Variants in RYR2 observed in about 807,000 individuals in gnomAD.
RYR2 encodes the protein ryanodine receptor 2.
RYR2 carries 227 observed loss-of-function variants against 601.1 expected under a neutral mutation model. The observed-to-expected ratio is 0.38, with a 90% CI of 0.34 to 0.42. The LOEUF (loss-of-function observed/expected upper bound fraction) is 0.42. Among genes scored for constraint, RYR2 ranks in the 10% least tolerant of loss-of-function variants. RYR2 has a pLI of 1.00. For missense variants in RYR2, 4,646 were observed against 6,156.5 expected (o/e 0.75, Z 8.21); for synonymous variants, 2,223 against 2,175.1 (o/e 1.02, Z -0.61).
intron 16 of RYR2, among the ~76,000 whole-genome samples, chr1:237,460,245 T>C (rs1659320821): frequency 6.6e-6 from 1 of 152,036 alleles, no homozygotes. Context: ...AAGAGTGTGC[T>C]ATTTCCTAAA....
chr1:237,618,987 A>C (rs544951755), intron 38 of RYR2, among the ~76,000 whole-genome samples: 2 of 152,254 alleles, frequency 1.3e-5, no homozygotes, highest in Admixed American at 1.3e-4. Context: ...CCAGATGTCC[A>C]AGAAGGCTGA....
chr1:237,212,497 T>C (rs1246822765), intron 1 of RYR2, among the ~76,000 whole-genome samples: 1 of 152,128 alleles, frequency 6.6e-6, no homozygotes, highest in Non-Finnish European at 1.5e-5. Flanking sequence ...TCCAGCTACT[T>C]TGGAGGCTGC....
chr1:237,188,374 A>G (rs1047791582), intron 1 of RYR2, among the ~76,000 whole-genome samples: 1 of 152,012 alleles, frequency 6.6e-6, no homozygotes, highest in African/African-American at 2.4e-5. Flanking sequence ...TGCAGTTAGC[A>G]GTTTGACCCT....
Position 237,295,822 on chromosome 1 carries a change from G to A in RYR2, c.168+25206G>A, listed in dbSNP as rs1010290297. Reference sequence around the variant, plus strand: ...TTTGTTATATTCACACAGTAAACACGCTATTTAGAGTGTTGATGACGTGCT... The same window carrying A: ...TTTGTTATATTCACACAGTAAACACACTATTTAGAGTGTTGATGACGTGCT... On this transcript the variant is annotated intron_variant, in intron 2 of 104. Coordinates refer to ENST00000366574, the MANE Select transcript of RYR2 (RefSeq NM_001035.3). 4.6e-5 allele frequency among the ~76,000 whole-genome samples: 7 copies of A among 152,132 alleles called. No homozygotes were observed. The East Asian group carries it at 5.8e-4, about 13-fold the overall frequency.
chr1:237,560,730 T>G (rs1291930254), intron 27 of RYR2, among the ~76,000 whole-genome samples: 1 of 152,190 alleles, frequency 6.6e-6, no homozygotes, highest in African/African-American at 2.4e-5. Flanking sequence ...TCTCATTAAT[T>G]CTGTGGAGAA....
At chr1:237,280,153 A>G (rs1690712932) in intron 2 of RYR2, among the ~76,000 whole-genome samples, 1 of 152,212 alleles carries the variant, frequency 6.6e-6, no homozygotes, top group African/African-American at 2.4e-5. Context: ...GATATTAATG[A>G]TGCATAATAG....
At chr1:237,402,970 A>C (rs186765556) in intron 10 of RYR2, among the ~76,000 whole-genome samples, 1 of 143,920 alleles carries the variant, frequency 6.9e-6, no homozygotes, top group East Asian at 2.1e-4. Context: ...AAAGATGGTA[A>C]ATGATATTAT....
intron 44 of RYR2, among the ~76,000 whole-genome samples, chr1:237,638,108 A>AAC (rs1335811008): frequency 1.3e-5 from 2 of 151,922 alleles, no homozygotes; most frequent in African/African-American, 4.8e-5. Context: ...AGAGCTGAAA[A>AAC]AAAAAAAGCT....
intron 56 of RYR2, among the ~76,000 whole-genome samples, chr1:237,662,386 A>T (rs1008958819): frequency 6.6e-6 from 1 of 152,144 alleles, no homozygotes; most frequent in African/African-American, 2.4e-5. Context: ...AAAAGTCATA[A>T]AATAGTGTTA....
At chr1:237,501,550 A>G (rs1348769433) in intron 21 of RYR2, among the ~76,000 whole-genome samples, 1 of 151,740 alleles carries the variant, frequency 6.6e-6, no homozygotes, top group Non-Finnish European at 1.5e-5. Flanking sequence ...ATAAGTAACT[A>G]CTCTGTCACT....
chr1:237,350,423 T>C (rs1336918004), intron 3 of RYR2, among the ~76,000 whole-genome samples: 1 of 150,578 alleles, frequency 6.6e-6, no homozygotes, highest in African/African-American at 2.4e-5. Flanking sequence ...TACAAAAAAT[T>C]AGCCAAGCAT....
At chr1:237,663,672 G>A (rs1684019255) in intron 56 of RYR2, among the ~76,000 whole-genome samples, 1 of 152,160 alleles carries the variant, frequency 6.6e-6, no homozygotes, top group African/African-American at 2.4e-5. Flanking sequence ...TGGTTATGAT[G>A]CTTGTCAATC....
At chr1:237,504,803 C>A (rs564218800) in intron 22 of RYR2, among the ~76,000 whole-genome samples, 1 of 152,186 alleles carries the variant, frequency 6.6e-6, no homozygotes, top group African/African-American at 2.4e-5. Flanking sequence ...TACCGGTTTC[C>A]TGGAAGACAA....
intron 1 of RYR2, among the ~76,000 whole-genome samples, chr1:237,081,328 C>T (rs370930939): frequency 5.0e-4 from 74 of 147,656 alleles, no homozygotes; most frequent in East Asian, 3.0e-3. Flanking sequence ...GTCTGAGCTA[C>T]GGACTCGATG....
rs111775298 is a variant in RYR2, at chr1:237,776,177, A to G, written c.11776-2489A>G. On this transcript the variant is annotated intron_variant, in intron 87 of 104. Transcript: ENST00000366574. ...TTTCCTCCTCCCTAATTTATATGCCATTGGAATACCAAGCTGACACTGAAC... is the reference window on the plus strand; with the variant it reads ...TTTCCTCCTCCCTAATTTATATGCCGTTGGAATACCAAGCTGACACTGAAC... 8.5e-3 allele frequency among the ~76,000 whole-genome samples: 1,289 copies of G among 152,282 alleles called. 11 individuals carry two copies. The highest frequency in any genetic ancestry group is 0.03 in the African/African-American group (1,239 of 41,558).
At chr1:237,068,266 G>A (rs1356400876) in intron 1 of RYR2, among the ~76,000 whole-genome samples, 4 of 152,066 alleles carry the variant, frequency 2.6e-5, no homozygotes, top group Admixed American at 6.6e-5. Flanking sequence ...CATTGGTGGG[G>A]TTATCAAAAT....
intron 37 of RYR2, among the ~76,000 whole-genome samples, 170 bp from the exon 38 acceptor site, chr1:237,617,116 A>C (rs1336646313): frequency 6.6e-6 from 1 of 152,222 alleles, no homozygotes; most frequent in Non-Finnish European, 1.5e-5. Context: ...GCTTATACAA[A>C]TTATGTTTCA....
intron 29 of RYR2, among the ~76,000 whole-genome samples, chr1:237,589,178 C>T (rs995106626): frequency 2.0e-5 from 3 of 152,114 alleles, no homozygotes; most frequent in African/African-American, 7.2e-5. Context: ...ATACATTAAA[C>T]ATGTATTTTT....
Position 237,546,992 on chromosome 1 carries a change from TA to T in RYR2, c.2907-1438del, listed in dbSNP as rs376502619. 1.8e-3 allele frequency among the ~76,000 whole-genome samples: 259 copies of T among 141,286 alleles called. 2 individuals are homozygous for T. The highest frequency in any genetic ancestry group is 4.8e-3 in the South Asian group (21 of 4,418). 92.7% of individuals were successfully genotyped at this position (141,286 alleles called of 152,430 possible). On this transcript the variant is annotated intron_variant, in intron 25 of 104. Transcript: ENST00000366574. ...TTTCAAAAGCATATATATATATATA[TA>T]TATTTATTTATTTATTTATTTATTT...
Sources: allele counts gnomAD v4.1 joint callset (sites outside exome capture counted in the v4.1 genomes callset), GRCh38; gene constraint gnomAD v4.1.1; transcripts MANE v1.5; gene names NCBI Gene and HGNC (gene_info 2026-07-23, HGNC 2026-07-21).